Variants in NUP205 observed in about 807,000 individuals in gnomAD.
The protein encoded by NUP205 is nuclear pore complex protein Nup205.
NUP205 carries 76 observed loss-of-function variants against 253.8 expected under a neutral mutation model. The observed-to-expected ratio is 0.30, with a 90% confidence interval of 0.25 to 0.36. The LOEUF (loss-of-function observed/expected upper bound fraction) is 0.36, where lower values mean the gene tolerates loss of function less well. Among genes scored for constraint, NUP205 ranks in the 10% least tolerant of loss-of-function variants. NUP205 has a pLI of 1.00. For missense variants in NUP205, 2,162 were observed against 2,425.5 expected (o/e 0.89, Z 2.28); for synonymous variants, 832 against 850.1 (o/e 0.98, Z 0.37).
At chr7:135,583,629 G>T (rs117805508) in intron 7 of NUP205, among the ~76,000 whole-genome samples, 4 of 151,938 alleles carry the variant, frequency 2.6e-5, no homozygotes, top group African/African-American at 9.6e-5. Flanking sequence ...GTGTGTTGGC[G>T]CACACCTATA....
intron 22 of NUP205, among the ~76,000 whole-genome samples, chr7:135,613,496 T>C (rs1402525343): frequency 6.6e-6 from 1 of 151,898 alleles, no homozygotes; most frequent in Non-Finnish European, 1.5e-5. Context: ...TCTCAGAAGT[T>C]ATTTCCAAGT....
rs577316453 is a variant in NUP205, at chr7:135,628,621, C to G, written c.4932+510C>G. On this transcript the variant is annotated intron_variant, in intron 34 of 42. Transcript: ENST00000285968. ...CCAGAAATTAGTTTTATTTTGATTA[C>G]TTTTCAGTGAAACACTAACATTCCA... 2.8e-4 allele frequency among the ~76,000 whole-genome samples: 43 copies of G among 152,302 alleles called. 2 individuals are homozygous for G. The South Asian group carries it at 8.5e-3, about 30-fold the overall frequency.
chr7:135,567,358 A>G (rs1316123491), intron 1 of NUP205, among the ~76,000 whole-genome samples: 6 of 140,460 alleles, frequency 4.3e-5, no homozygotes, highest in Non-Finnish European at 6.1e-5. Context: ...CAAGGTGGGC[A>G]GGGTAGATTG....
At chr7:135,572,535 C>G (rs528671191) in intron 2 of NUP205, among the ~76,000 whole-genome samples, 6 of 152,220 alleles carry the variant, frequency 3.9e-5, no homozygotes, top group African/African-American at 1.4e-4. Context: ...TTGGAAAATG[C>G]TTTTCTTGTT....
intron 2 of NUP205, among the ~76,000 whole-genome samples, chr7:135,572,214 T>G (rs1187113769): frequency 6.6e-6 from 1 of 152,204 alleles, no homozygotes; most frequent in Non-Finnish European, 1.5e-5. Flanking sequence ...GAAGTTAATA[T>G]TATGTTTATT....
chr7:135,632,390 A>G (rs189850570), intron 35 of NUP205, among the ~76,000 whole-genome samples: 49 of 152,340 alleles, frequency 3.2e-4, no homozygotes, highest in Non-Finnish European at 5.9e-4. Context: ...ATAACACTGC[A>G]TAGTATAGAG....
intron 15 of NUP205, among the ~76,000 whole-genome samples, chr7:135,599,353 C>CT (rs879426583): frequency 6.0e-5 from 9 of 150,584 alleles, no homozygotes; most frequent in African/African-American, 9.8e-5. Flanking sequence ...AATTGAAGTT[C>CT]TTTTTTTTTG....
chr7:135,617,776 A>G (rs1794391963), intron 27 of NUP205, 94 bp downstream of exon 27: 2 of 663,096 alleles, frequency 3.0e-6, no homozygotes, highest in Admixed American at 2.7e-5. Context: ...GTAGTTTGCT[A>G]ATTAGTAAGC....
In NUP205 at chr7:135,645,000, C is replaced by G. The variant is rs1331278374; in HGVS notation, c.5665C>G (p.Leu1889Val). 6.2e-7 allele frequency: 1 copy of G among 1,613,988 alleles called. No individual in the cohort carries two copies. Among genetic ancestry groups the G allele is most frequent in the African/African-American group, 1.3e-5 (1 of 74,920 alleles). The stretch of plus-strand genomic sequence containing the variant: ...GAAGGTGATCAACAATCGAGCTAAA[C>G]TGCTTTCCCTTTGTTCTTGTATCCT... The part of the protein sequence containing the change: ...LVKVINNRAK[L>V]LSLCSFIIET... Residue 1889 changes from leucine to valine, a missense_variant, in exon 40 of 43, where the codon CTG becomes GTG. Around this residue, in one of 5 missense-constraint regions of NUP205, gnomAD observed 1,144 missense variants for 1,280.9 expected, o/e 0.89. Transcript: ENST00000285968.
In NUP205 at chr7:135,606,792, A is replaced by G; in HGVS notation, c.2947A>G (p.Thr983Ala). The G allele has an allele frequency of 6.2e-7, 1 of 1,613,890 alleles. No individual in the cohort carries two copies. The highest frequency in any genetic ancestry group is 8.5e-7 in the Non-Finnish European group (1 of 1,179,812). Residue 983 changes from threonine to alanine, a missense_variant, in exon 21 of 43, where the codon ACA becomes GCA. By Grantham distance (58) the Thr-to-Ala change is moderately conservative. Coordinates refer to ENST00000285968, the MANE Select transcript of NUP205 (RefSeq NM_015135.3). ...EKKLVAIRHE[T>A]RIHILNLLIT... ...GAAATTAGTTGCAATTCGTCATGAA[A>G]CAAGAATCCACATCTTGAATCTTCT... is the stretch of plus-strand genomic sequence containing the variant.
chr7:135,610,216 C>CTGT (rs1794193290), intron 22 of NUP205, among the ~76,000 whole-genome samples: 1 of 152,156 alleles, frequency 6.6e-6, no homozygotes, highest in African/African-American at 2.4e-5. Context: ...AACATACTCT[C>CTGT]TGTTGTCGTT....
intron 1 of NUP205, among the ~76,000 whole-genome samples, chr7:135,562,149 C>T (rs1805599882): frequency 6.6e-6 from 1 of 152,108 alleles, no homozygotes; most frequent in Non-Finnish European, 1.5e-5. Flanking sequence ...AAACAGCTCT[C>T]AATAGGGTTA....
rs1794093546 is a variant in NUP205 at position 135,606,755 on chromosome 7, A to C, written c.2910A>C (p.Ser970=). The C allele has an allele frequency of 5.6e-6, 9 of 1,613,270 alleles. No homozygotes were observed. Among genetic ancestry groups the C allele is most frequent in the Non-Finnish European group, 7.6e-6 (9 of 1,179,318 alleles). ...TTTTGTGATTTCTGCATTAAGGATC[A>C]GAACTTGAAAAGAAATTAGTTGCAA... is the stretch of plus-strand genomic sequence containing the variant. ...AEEFVRLEEG[S]ELEKKLVAIR... The change falls in exon 21 of 43, where the codon TCA becomes TCC. Residue 970 remains serine (S), a synonymous_variant. Coordinates refer to ENST00000285968, the MANE Select transcript of NUP205 (RefSeq NM_015135.3).
intron 6 of NUP205, among the ~76,000 whole-genome samples, chr7:135,578,504 G>A (rs1001652331): frequency 6.6e-5 from 10 of 152,006 alleles, no homozygotes; most frequent in Non-Finnish European, 1.5e-5. Flanking sequence ...TTTATTTGTA[G>A]TACACTTATA....
chr7:135,602,962 T>G lies in NUP205; in HGVS notation c.2670T>G (p.Thr890=). 1 of 1,612,886 alleles carries G rather than the reference T, an allele frequency of 6.2e-7. No homozygotes were observed. Among genetic ancestry groups the G allele is most frequent in the African/African-American group, 1.3e-5 (1 of 75,002 alleles). The change falls in exon 18 of 43, where the codon ACT becomes ACG. Residue 890 remains threonine (T), a synonymous_variant. Coordinates refer to ENST00000285968, the MANE Select transcript of NUP205 (RefSeq NM_015135.3). Reference sequence around the variant, plus strand: ...TTTTGCAGGGAATTAATCCCAGAACTAAGAAGGCAGATAATGTGGTAAACA... The same window carrying G: ...TTTTGCAGGGAATTAATCCCAGAACGAAGAAGGCAGATAATGTGGTAAACA... ...EQLLQGINPR[T]KKADNVVNIA... is the part of the protein sequence containing the mutation.
chr7:135,580,225 T>C (rs1013861447), intron 7 of NUP205, among the ~76,000 whole-genome samples: 3 of 152,230 alleles, frequency 2.0e-5, no homozygotes, highest in Admixed American at 6.5e-5. Flanking sequence ...ACTAGTGTCA[T>C]GCTGTTCCCA....
chr7:135,619,576 A>G lies in NUP205; in HGVS notation c.4117A>G (p.Ser1373Gly). ...AEAHYAFMLD[S>G]CFTSPPPEEN... ...GGCCCATTACGCTTTTATGCTTGAT[A>G]GTTGCTTCACCTCACCTCCTCCTGA... The change falls in exon 29 of 43, where the codon AGT (serine) becomes GGT (glycine). Residue 1373 changes from serine (S) to glycine (G), a missense_variant. Coordinates refer to ENST00000285968, the MANE Select transcript of NUP205 (RefSeq NM_015135.3). 1 of 1,614,156 alleles carries G rather than the reference A, an allele frequency of 6.2e-7. No individual in the cohort carries two copies. Among genetic ancestry groups the G allele is most frequent in the Non-Finnish European group, 8.5e-7 (1 of 1,180,018 alleles).
chr7:135,567,156 ATATATATATATATATATATATATATG>A (rs1563108079), intron 1 of NUP205, among the ~76,000 whole-genome samples: 3 of 94,108 alleles, frequency 3.2e-5, no homozygotes, highest in East Asian at 3.2e-4. Context: ...ATATATATAT[ATATATATATATATATATATATATATG>A]TATATATGGT....
chr7:135,622,932 C>G lies in NUP205; in HGVS notation c.4479+7C>G. 1.9e-6 allele frequency: 3 copies of G among 1,612,796 alleles called. No homozygotes were observed. Among genetic ancestry groups the G allele is most frequent in the East Asian group, 2.2e-5 (1 of 44,858 alleles). On this transcript the variant is annotated splice_region_variant and intron_variant, in intron 31 of 42. Transcript: ENST00000285968. Reference sequence around the variant, plus strand: ...TGGTCATGAGATTGGAAGGGTAAAGCAACTCTTATTTAGTATTATAATTGA... The same window carrying G: ...TGGTCATGAGATTGGAAGGGTAAAGGAACTCTTATTTAGTATTATAATTGA...
Sources: gnomAD v4.1 joint callset for allele counts (sites outside exome capture counted in the v4.1 genomes callset) on GRCh38, gnomAD v4.1.1 for gene constraint, gnomAD v4.1.1 regional missense constraint, MANE v1.5 for transcripts, NCBI Gene and HGNC (gene_info 2026-07-23, HGNC 2026-07-21) for gene names.